PTER: variants seen among roughly 807,000 people sequenced by gnomAD.
PTER encodes the protein phosphotriesterase related.
In PTER, 38 loss-of-function variants were observed where a neutral mutation model predicts 29.6. That is an observed-to-expected ratio of 1.28 (90% CI 0.99 to 1.68). The LOEUF is 1.68. Ranked by LOEUF, PTER falls within the 40% of genes most tolerant of loss-of-function variation. PTER has a pLI of 0.00. For synonymous variants in PTER, 172 were observed against 154.5 expected, an observed-to-expected ratio of 1.11 and a Z score of -0.84; for missense variants, 482 against 427.8, an observed-to-expected ratio of 1.13 and a Z score of -1.12.
Position 16,511,592 on chromosome 10 carries a change from G to A in PTER, c.*336G>A, listed in dbSNP as rs1836813232. On this transcript the variant is annotated 3_prime_UTR_variant, in exon 5 of 5. Coordinates refer to ENST00000535784, the MANE Select transcript of PTER (RefSeq NM_001261836.2). Reference sequence around the variant, plus strand: ...TGCACTACTTGAGAAAATTTAAAGTGTTTCTAGTTAAATTATTTCCTTCTT... The same window carrying A: ...TGCACTACTTGAGAAAATTTAAAGTATTTCTAGTTAAATTATTTCCTTCTT... 1 of 232,126 alleles carries A rather than the reference G, an allele frequency of 4.3e-6. No homozygotes were observed. Among genetic ancestry groups the A allele is most frequent in the African/African-American group, 2.2e-5 (1 of 45,116 alleles). 14.4% of individuals were successfully genotyped at this position (232,126 alleles called of 1,614,324 possible). A position where few individuals can be genotyped will look rare whatever the true frequency, so the allele number is the denominator to read the frequency against.
At chr10:16,490,021 A>G (rs867112653) in intron 3 of PTER, among the ~76,000 whole-genome samples, 2 of 152,178 alleles carry the variant, frequency 1.3e-5, no homozygotes, top group South Asian at 2.1e-4. Flanking sequence ...TTATGTTCCA[A>G]TAAACCCATT....
intron 3 of PTER, among the ~76,000 whole-genome samples, chr10:16,491,196 A>C (rs1471011068): frequency 1.3e-5 from 2 of 152,180 alleles, no homozygotes; most frequent in Non-Finnish European, 2.9e-5. Context: ...TATCTGATGG[A>C]TTATTCACGG....
At chr10:16,468,131 C>T (rs932039203) in intron 1 of PTER, among the ~76,000 whole-genome samples, 4 of 152,146 alleles carry the variant, frequency 2.6e-5, no homozygotes, top group Admixed American at 2.0e-4. Context: ...CACTTTAGGT[C>T]AGGAGTTTGA....
intron 1 of PTER, among the ~76,000 whole-genome samples, chr10:16,457,150 C>T (rs1291714283): frequency 1.3e-5 from 2 of 152,202 alleles, no homozygotes; most frequent in African/African-American, 2.4e-5. Context: ...CGCTTCATTT[C>T]TGCCTCATAG....
intron 3 of PTER, among the ~76,000 whole-genome samples, chr10:16,487,768 G>C (rs746898012): frequency 3.9e-5 from 6 of 152,186 alleles, no homozygotes; most frequent in Admixed American, 6.6e-5. Flanking sequence ...GCACCAGTGA[G>C]ACTAATAATA....
chr10:16,490,776 T>A (rs950074646), intron 3 of PTER, among the ~76,000 whole-genome samples: 3 of 151,274 alleles, frequency 2.0e-5, no homozygotes, highest in African/African-American at 7.3e-5. Flanking sequence ...TATTTACAGT[T>A]AGACATGTAT....
chr10:16,518,040 C>T (rs1359430308), downstream of PTER, among the ~76,000 whole-genome samples: 1 of 152,082 alleles, frequency 6.6e-6, no homozygotes, highest in Non-Finnish European at 1.5e-5. Context: ...CCACTTAATC[C>T]ATAGAACATT....
intron 3 of PTER, among the ~76,000 whole-genome samples, chr10:16,494,912 A>G (rs544095811): frequency 2.1e-4 from 32 of 152,248 alleles, no homozygotes; most frequent in African/African-American, 7.7e-4. Context: ...AATTATGTTA[A>G]TATCAAATTA....
At position 16,484,594 on chromosome 10, in the gene PTER, C is replaced by T; in HGVS notation, c.210C>T (p.Asn70=). The part of the protein sequence containing the change: ...IQKNAYSHKE[N]LQLNQETEAI... ...AAAACGCCTATTCCCATAAAGAAAACCTTCAATTAAATCAGGAGACAGAAG... is the reference window on the plus strand; with the variant it reads ...AAAACGCCTATTCCCATAAAGAAAATCTTCAATTAAATCAGGAGACAGAAG... Residue 70 remains asparagine (N), a synonymous_variant, in exon 2 of 5, where the codon AAC becomes AAT. Transcript: ENST00000535784. The T allele has an allele frequency of 6.2e-7, 1 of 1,613,998 alleles. No homozygotes were observed. The highest frequency in any genetic ancestry group is 1.3e-5 in the African/African-American group (1 of 74,980).
chr10:16,504,813 T>C (rs1836495338), intron 3 of PTER, among the ~76,000 whole-genome samples: 2 of 152,212 alleles, frequency 1.3e-5, no homozygotes, highest in Non-Finnish European at 2.9e-5. Flanking sequence ...GGAAAACTCC[T>C]TTTTAGATGA....
At chr10:16,449,301 A>G (rs1301599873) in intron 1 of PTER, among the ~76,000 whole-genome samples, 1 of 152,234 alleles carries the variant, frequency 6.6e-6, no homozygotes, top group African/African-American at 2.4e-5. Flanking sequence ...GCATTCTGGT[A>G]CTAGGGAAAT....
intron 3 of PTER, among the ~76,000 whole-genome samples, chr10:16,499,076 T>C (rs1836231292): frequency 1.3e-5 from 2 of 152,026 alleles, no homozygotes; most frequent in Non-Finnish European, 2.9e-5. Context: ...CAAAAGCAGT[T>C]TGGGTTTGTT....
intron 1 of PTER, among the ~76,000 whole-genome samples, chr10:16,439,138 T>A (rs1161557380): frequency 2.0e-5 from 3 of 151,970 alleles, no homozygotes; most frequent in Non-Finnish European, 4.4e-5. Context: ...TCAGGAAGGG[T>A]CTGTTTATTC....
intron 1 of PTER, among the ~76,000 whole-genome samples, chr10:16,467,288 A>G (rs1292199310): frequency 6.6e-6 from 1 of 152,218 alleles, no homozygotes; most frequent in Non-Finnish European, 1.5e-5. Flanking sequence ...TACTGTGCCT[A>G]AATTATAAAT....
chr10:16,500,879 C>T (rs1346228627), intron 3 of PTER, among the ~76,000 whole-genome samples: 1 of 151,846 alleles, frequency 6.6e-6, no homozygotes, highest in African/African-American at 2.4e-5. Context: ...TAGCTGGGAC[C>T]ACAGGCGTGA....
chr10:16,493,066 C>T (rs1201385068), intron 3 of PTER, among the ~76,000 whole-genome samples: 1 of 152,168 alleles, frequency 6.6e-6, no homozygotes, highest in Non-Finnish European at 1.5e-5. Flanking sequence ...TTACCATATA[C>T]CAGACGTTGG....
At chr10:16,457,293 A>G (rs1834440342) in intron 1 of PTER, among the ~76,000 whole-genome samples, 1 of 151,766 alleles carries the variant, frequency 6.6e-6, no homozygotes, top group Admixed American at 6.6e-5. Context: ...GCTCACTGCA[A>G]GCTCCGCCTC....
rs549009444 is a variant in PTER at position 16,508,665 on chromosome 10, A to G, written c.840-2381A>G. 9.9e-5 allele frequency among the ~76,000 whole-genome samples: 15 copies of G among 150,894 alleles called. No individual in the cohort carries two copies. The East Asian group carries it at 2.6e-3, about 26-fold the overall frequency. On this transcript the variant is annotated intron_variant, in intron 4 of 4. Transcript: ENST00000535784. ...TTCTGGATGTATGGAAATAATAAAA[A>G]TTATTATAATATAAATCTGTGTATA...
chr10:16,477,302 G>A (rs367747254), intron 1 of PTER, among the ~76,000 whole-genome samples: 43 of 80,548 alleles, frequency 5.3e-4, no homozygotes, highest in South Asian at 3.4e-3. Flanking sequence ...ATAGATAGAT[G>A]GATGTCTGTC....
Sources: gnomAD v4.1 joint callset for allele counts (sites outside exome capture counted in the v4.1 genomes callset) on GRCh38, gnomAD v4.1.1 for gene constraint, MANE v1.5 for transcripts, NCBI Gene and HGNC (gene_info 2026-07-23, HGNC 2026-07-21) for gene names.